Variants in MECOM observed in about 807,000 individuals in gnomAD.
MECOM encodes histone-lysine N-methyltransferase MECOM.
Under a neutral mutation model 116.3 loss-of-function variants are expected in MECOM, and 13 were observed. The observed-to-expected ratio is 0.11, with a 90% CI of 0.07 to 0.18. The LOEUF (loss-of-function observed/expected upper bound fraction) is 0.18, where lower values mean the gene tolerates loss of function less well. Among genes scored for constraint, MECOM ranks in the 10% least tolerant of loss-of-function variants. The pLI is 1.00. For missense variants in MECOM, 1,299 were observed against 1,509.0 expected, an observed-to-expected ratio of 0.86 and a Z score of 2.31; for synonymous variants, 528 against 535.2, an observed-to-expected ratio of 0.99 and a Z score of 0.19.
chr3:169,608,009 C>T (rs920007612), intron 1 of MECOM, among the ~76,000 whole-genome samples: 1 of 152,180 alleles, frequency 6.6e-6, no homozygotes, highest in African/African-American at 2.4e-5. Context: ...CTACCACTGC[C>T]AACTCATGCA....
intron 1 of MECOM, among the ~76,000 whole-genome samples, chr3:169,515,116 A>ATG (rs1338127190): frequency 7.2e-5 from 11 of 152,246 alleles, no homozygotes; most frequent in African/African-American, 2.6e-4. Context: ...CCCACCCAAC[A>ATG]GATCCAGCCT....
At chr3:169,483,779 C>A in intron 1 of MECOM, 1 of 1,611,124 alleles carries the variant, frequency 6.2e-7, no homozygotes, top group South Asian at 1.1e-5. Flanking sequence ...GTAGATTATT[C>A]TTCTTCAAAT....
intron 1 of MECOM, among the ~76,000 whole-genome samples, chr3:169,510,225 T>A (rs1755801635): frequency 6.6e-6 from 1 of 152,028 alleles, no homozygotes; most frequent in Admixed American, 6.6e-5. Context: ...ATTCACTCTG[T>A]GATTGGGATG....
chr3:169,105,328 T>G (rs962697267), intron 10 of MECOM, among the ~76,000 whole-genome samples: 1 of 152,086 alleles, frequency 6.6e-6, no homozygotes, highest in African/African-American at 2.4e-5. Flanking sequence ...ATTAAGATAT[T>G]GGATTAACAC....
chr3:169,458,610 C>A (rs1372304252), intron 1 of MECOM, among the ~76,000 whole-genome samples: 2 of 152,220 alleles, frequency 1.3e-5, no homozygotes, highest in Non-Finnish European at 2.9e-5. Context: ...GTTGCCTGAG[C>A]AGCAATCATG....
At chr3:169,469,512 G>C (rs545147331) in intron 1 of MECOM, among the ~76,000 whole-genome samples, 66 of 152,240 alleles carry the variant, frequency 4.3e-4, no homozygotes, top group African/African-American at 1.5e-3. Flanking sequence ...GCTAAATATA[G>C]CTGCTTTTAG....
chr3:169,559,130 T>C (rs1328514049), intron 1 of MECOM, among the ~76,000 whole-genome samples: 2 of 151,954 alleles, frequency 1.3e-5, no homozygotes, highest in East Asian at 3.9e-4. Flanking sequence ...AGGGGCGAAG[T>C]TTGGATGCCA....
intron 2 of MECOM, among the ~76,000 whole-genome samples, chr3:169,192,279 G>GT (rs1425694017): frequency 6.6e-6 from 1 of 151,964 alleles, no homozygotes; most frequent in African/African-American, 2.4e-5. Flanking sequence ...GTATAACCTT[G>GT]TAAAACACGT....
At chr3:169,604,427 C>T (rs1768250789) in intron 1 of MECOM, among the ~76,000 whole-genome samples, 1 of 141,200 alleles carries the variant, frequency 7.1e-6, no homozygotes. Flanking sequence ...AGTGACTGGC[C>T]CATGCCCTTG....
chr3:169,560,358 G>C (rs1351096568), intron 1 of MECOM, among the ~76,000 whole-genome samples: 1 of 152,076 alleles, frequency 6.6e-6, no homozygotes, highest in Non-Finnish European at 1.5e-5. Flanking sequence ...AGGTGACTTA[G>C]ATACTTAGAC....
chr3:169,343,177 T>C (rs1361710857), intron 2 of MECOM, among the ~76,000 whole-genome samples: 1 of 152,200 alleles, frequency 6.6e-6, no homozygotes, highest in Non-Finnish European at 1.5e-5. Flanking sequence ...CAGGTTTTTG[T>C]TTTGGCTGAT....
Position 169,392,445 on chromosome 3 carries a change from G to A in MECOM, c.38-10921C>T, listed in dbSNP as rs138845463. Among the ~76,000 whole-genome samples, 999 of 152,254 alleles carry A rather than the reference G, an allele frequency of 6.6e-3. 3 individuals carry two copies. Among genetic ancestry groups the A allele is most frequent in the Non-Finnish European group, 0.011 (760 of 68,016 alleles). ...AATTCGATGATTGAAGTGTTGAGGT[G>A]ATAATCTTTGCCAAAGATGCTACTG... On this transcript the variant is annotated intron_variant, in intron 1 of 16. Transcript: ENST00000651503.
intron 1 of MECOM, among the ~76,000 whole-genome samples, chr3:169,429,171 G>A (rs1026877419): frequency 2.6e-5 from 4 of 152,174 alleles, no homozygotes; most frequent in Non-Finnish European, 5.9e-5. Context: ...TGAAAACTCA[G>A]AATACTTGAT....
chr3:169,093,161 G>T, intron 13 of MECOM, 59 bp from the exon 14 acceptor site: 1 of 1,498,240 alleles, frequency 6.7e-7, no homozygotes, highest in Admixed American at 2.2e-5. Context: ...CAACTTATTT[G>T]GAAACTCACT....
chr3:169,221,687 G>A lies in MECOM; in HGVS notation c.376-77855C>T, dbSNP rs184576781. Among the ~76,000 whole-genome samples, 4 of 152,122 alleles carry A rather than the reference G, an allele frequency of 2.6e-5. No individual in the cohort carries two copies. The East Asian group carries it at 5.8e-4, about 22-fold the overall frequency. ...CTGTCAAATCTCACAACTTTTGGCT[G>A]ACGTGTCCTTCAGGAAAAGGGCAGC... On this transcript the variant is annotated intron_variant, in intron 2 of 16. Coordinates refer to ENST00000651503, the MANE Select transcript of MECOM (RefSeq NM_004991.4).
chr3:169,406,834 T>C (rs897615108), intron 1 of MECOM, among the ~76,000 whole-genome samples: 1 of 149,262 alleles, frequency 6.7e-6, no homozygotes, highest in African/African-American at 2.5e-5. Context: ...GGTTATTTGG[T>C]TACTGTTTTT....
At chr3:169,579,042 T>G (rs1764824907) in intron 1 of MECOM, among the ~76,000 whole-genome samples, 1 of 152,170 alleles carries the variant, frequency 6.6e-6, no homozygotes, top group African/African-American at 2.4e-5. Context: ...ATTATTTAAT[T>G]AACAGATGAA....
At chr3:169,257,212 A>G (rs1190962492) in intron 2 of MECOM, among the ~76,000 whole-genome samples, 1 of 152,246 alleles carries the variant, frequency 6.6e-6, no homozygotes, top group African/African-American at 2.4e-5. Flanking sequence ...GGAGGCTACA[A>G]ATATACATTA....
intron 1 of MECOM, among the ~76,000 whole-genome samples, chr3:169,394,664 G>A (rs1209560765): frequency 2.0e-5 from 3 of 152,196 alleles, no homozygotes; most frequent in East Asian, 3.9e-4. Flanking sequence ...ACAGAGGGTG[G>A]TCCACATCTC....
Sources: allele counts gnomAD v4.1 joint callset (sites outside exome capture counted in the v4.1 genomes callset), GRCh38; gene constraint gnomAD v4.1.1; transcripts MANE v1.5; gene names NCBI Gene and HGNC (gene_info 2026-07-23, HGNC 2026-07-21).